PSD3: variants seen among roughly 807,000 people sequenced by gnomAD.
The protein encoded by PSD3 is PH and SEC7 domain-containing protein 3.
PSD3 carries 49 observed loss-of-function variants against 105.5 expected under a neutral mutation model. The ratio of observed to expected loss-of-function variants is 0.46; its 90% CI spans 0.37 to 0.59. The LOEUF (loss-of-function observed/expected upper bound fraction) is 0.59. Ranked by LOEUF, PSD3 falls within the 20% of genes least tolerant of loss-of-function variation. The pLI, the probability that PSD3 is intolerant of heterozygous loss-of-function variation, is 0.00. For missense variants in PSD3, 1,561 were observed against 1,263.8 expected (o/e 1.24, Z -3.57); for synonymous variants, 557 against 457.8 (o/e 1.22, Z -2.77).
intron 2 of PSD3, among the ~76,000 whole-genome samples, chr8:18,914,579 C>G (rs1160889963): frequency 6.6e-6 from 1 of 151,928 alleles, no homozygotes; most frequent in Non-Finnish European, 1.5e-5. Flanking sequence ...AACAAACTAT[C>G]CAAAAAAAGA....
intron 1 of PSD3, among the ~76,000 whole-genome samples, chr8:19,071,856 C>T (rs1015761354): frequency 6.6e-6 from 1 of 152,100 alleles, no homozygotes; most frequent in South Asian, 2.1e-4. Flanking sequence ...ATTACAGGCA[C>T]CTGCCACCAC....
intron 1 of PSD3, among the ~76,000 whole-genome samples, chr8:19,077,202 A>G (rs1037858969): frequency 3.3e-5 from 5 of 152,216 alleles, no homozygotes; most frequent in South Asian, 2.1e-4. Flanking sequence ...TGAGAACTCA[A>G]TGAAGAGCAG....
intron 14 of PSD3, among the ~76,000 whole-genome samples, chr8:18,560,933 A>G (rs957562590): frequency 3.3e-5 from 5 of 152,174 alleles, no homozygotes; most frequent in Admixed American, 6.5e-5. Flanking sequence ...CTGGAGTGAT[A>G]TAGGTTAGAC....
In PSD3 at chr8:18,530,349, T is replaced by C. The variant is rs1039658272; in HGVS notation, c.*5394A>G. ...CCTGGTCCTGAAATTCTTTTACCTGTGACACTAGATGCTAATTTCTGCAAC... is the reference window on the plus strand; with the variant it reads ...CCTGGTCCTGAAATTCTTTTACCTGCGACACTAGATGCTAATTTCTGCAAC... On this transcript the variant is annotated 3_prime_UTR_variant, in exon 16 of 16. Transcript: ENST00000327040. 8 of 152,520 alleles carry C rather than the reference T, an allele frequency of 5.2e-5. No homozygotes were observed. The highest frequency in any genetic ancestry group is 1.9e-4 in the African/African-American group (8 of 41,588). 9.4% of individuals were successfully genotyped at this position (152,520 alleles called of 1,614,324 possible). A position where few individuals can be genotyped will look rare whatever the true frequency, so the allele number is the denominator to read the frequency against.
rs111294728 is a variant in PSD3, at chr8:18,906,246, A to T, written c.130+29788T>A. 9.5e-3 allele frequency among the ~76,000 whole-genome samples: 1,444 copies of T among 152,222 alleles called. 6 individuals are homozygous for T. Among genetic ancestry groups the T allele is most frequent in the Middle Eastern group, 0.02 (6 of 294 alleles). ...AATATCTGGGTGCTCCAGATCCCCT[A>T]AAGTTAAGAAACCCTGCCTGAAAGG... On this transcript the variant is annotated intron_variant, in intron 2 of 15. Transcript: ENST00000327040.
chr8:18,684,204 CCACACA>C (rs67855105), intron 9 of PSD3: 17,490 of 195,452 alleles, frequency 0.089, 1,032 homozygotes, highest in Admixed American at 0.11. Flanking sequence ...TCTCTCTTTT[CCACACA>C]CACACACACA....
chr8:18,530,436 A>G lies in PSD3; in HGVS notation c.*5307T>C, dbSNP rs1799588284. On this transcript the variant is annotated 3_prime_UTR_variant, in exon 16 of 16. Transcript: ENST00000327040. The stretch of plus-strand genomic sequence containing the variant: ...CCTGATATACTTTAGTGCTTGTGAT[A>G]TTTCTTCCAAGTCAAGCGAGTACGG... 1 of 152,550 alleles carries G rather than the reference A, an allele frequency of 6.6e-6. No homozygotes were observed. The highest frequency in any genetic ancestry group is 2.1e-4 in the South Asian group (1 of 4,826). The allele number at this position is 152,550 out of a possible 1,614,324, so 9.4% of individuals were successfully genotyped here.
intron 9 of PSD3, among the ~76,000 whole-genome samples, chr8:18,687,465 C>G (rs1554471327): frequency 1.4e-5 from 2 of 145,826 alleles, no homozygotes; most frequent in Non-Finnish European, 1.5e-5. Flanking sequence ...GATCCTGTCT[C>G]AAAAAAAGAA....
intron 8 of PSD3, among the ~76,000 whole-genome samples, chr8:18,771,031 T>C (rs969262956): frequency 2.0e-5 from 3 of 152,214 alleles, no homozygotes; most frequent in Non-Finnish European, 4.4e-5. Context: ...CAGATTCTTC[T>C]CAGAAGTTAT....
chr8:18,688,178 G>T (rs1264100487), intron 9 of PSD3, among the ~76,000 whole-genome samples: 2 of 152,140 alleles, frequency 1.3e-5, no homozygotes, highest in Non-Finnish European at 2.9e-5. Context: ...AAAGATCCTG[G>T]ACTCAAGTGA....
At chr8:18,605,720 G>C (rs942689757) in intron 11 of PSD3, among the ~76,000 whole-genome samples, 2 of 152,126 alleles carry the variant, frequency 1.3e-5, no homozygotes, top group Non-Finnish European at 2.9e-5. Flanking sequence ...GGCCTGGTGG[G>C]AGGTAATTGG....
intron 9 of PSD3, among the ~76,000 whole-genome samples, chr8:18,690,578 C>T (rs1800919058): frequency 6.6e-6 from 1 of 152,156 alleles, no homozygotes; most frequent in Non-Finnish European, 1.5e-5. Flanking sequence ...CTAGATGGTC[C>T]AGCCACATGA....
intron 4 of PSD3, among the ~76,000 whole-genome samples, chr8:18,815,659 G>A (rs371359859): frequency 6.6e-6 from 1 of 152,106 alleles, no homozygotes; most frequent in Non-Finnish European, 1.5e-5. Flanking sequence ...TATAGCACAG[G>A]CGTTGCTGTG....
At chr8:18,696,399 A>C (rs540472863) in intron 9 of PSD3, among the ~76,000 whole-genome samples, 53 of 152,336 alleles carry the variant, frequency 3.5e-4, no homozygotes, top group African/African-American at 1.3e-3. Context: ...TAACTTGTCT[A>C]AAGCTTTTCA....
At chr8:18,677,522 A>T (rs1249573167) in intron 9 of PSD3, among the ~76,000 whole-genome samples, 1 of 152,168 alleles carries the variant, frequency 6.6e-6, no homozygotes, top group Non-Finnish European at 1.5e-5. Flanking sequence ...TCTGGCCTAG[A>T]AGACAGAGCA....
At chr8:18,801,666 C>T (rs965914324) in intron 6 of PSD3, among the ~76,000 whole-genome samples, 1 of 152,072 alleles carries the variant, frequency 6.6e-6, no homozygotes, top group Non-Finnish European at 1.5e-5. Flanking sequence ...CCCATCTCTA[C>T]TAAAAATACA....
At chr8:18,605,116 C>G (rs140159367) in intron 11 of PSD3, among the ~76,000 whole-genome samples, 1 of 152,124 alleles carries the variant, frequency 6.6e-6, no homozygotes, top group East Asian at 1.9e-4. Flanking sequence ...TCCTCCAGAC[C>G]TCAGAATGGT....
chr8:19,083,994 C>T (rs1315265569), intron 1 of PSD3, among the ~76,000 whole-genome samples: 1 of 152,216 alleles, frequency 6.6e-6, no homozygotes, highest in Non-Finnish European at 1.5e-5. Flanking sequence ...TTGCCTTCTT[C>T]CAAACAAAAT....
chr8:18,839,378 C>G (rs1465744156), intron 4 of PSD3, among the ~76,000 whole-genome samples: 1 of 152,096 alleles, frequency 6.6e-6, no homozygotes, highest in Non-Finnish European at 1.5e-5. Flanking sequence ...ACACCAAAAA[C>G]AGTGGGGCCA....
Sources: gnomAD v4.1 joint callset for allele counts (sites outside exome capture counted in the v4.1 genomes callset) on GRCh38, gnomAD v4.1.1 for gene constraint, MANE v1.5 for transcripts, NCBI Gene and HGNC (gene_info 2026-07-23, HGNC 2026-07-21) for gene names.